Variants in GALNT13 observed in about 807,000 individuals in gnomAD.
GALNT13 encodes polypeptide N-acetylgalactosaminyltransferase 13, also known as UDP-GalNAc:polypeptide N-acetylgalactosaminyltransferase 13.
Under a neutral mutation model 64.2 loss-of-function variants are expected in GALNT13, and 28 were observed. The ratio of observed to expected loss-of-function variants is 0.44; its 90% CI spans 0.32 to 0.60. GALNT13 has a LOEUF of 0.60. Among genes scored for constraint, GALNT13 ranks in the 20% least tolerant of loss-of-function variants. GALNT13 has a pLI of 0.05. For missense variants in GALNT13, 577 were observed against 669.8 expected (o/e 0.86, Z 1.53); for synonymous variants, 214 against 224.6 (o/e 0.95, Z 0.42).
chr2:153,966,683 T>TA (rs1274159483), intron 3 of GALNT13, among the ~76,000 whole-genome samples: 4 of 151,992 alleles, frequency 2.6e-5, no homozygotes, highest in East Asian at 1.9e-4. Flanking sequence ...ATTTTTTTTT[T>TA]ATCCTTGACC....
the GALNT13 span, among the ~76,000 whole-genome samples, chr2:153,082,243 T>C: frequency 6.6e-6 from 1 of 152,044 alleles, no homozygotes; most frequent in Non-Finnish European, 1.5e-5. Context: ...TCTGAGATTT[T>C]TGTGCACCTT....
the GALNT13 span, among the ~76,000 whole-genome samples, chr2:153,199,084 A>C: frequency 6.6e-6 from 1 of 152,182 alleles, no homozygotes; most frequent in African/African-American, 2.4e-5. Context: ...TGTTGACCAG[A>C]AGCCCAAAAA....
At chr2:153,852,108 G>T in the GALNT13 span, among the ~76,000 whole-genome samples, 1 of 151,842 alleles carries the variant, frequency 6.6e-6, no homozygotes, top group Non-Finnish European at 1.5e-5. Context: ...ATTGAAAGTA[G>T]ACAGAAATAG....
chr2:153,545,665 C>T, the GALNT13 span, among the ~76,000 whole-genome samples: 2 of 152,060 alleles, frequency 1.3e-5, no homozygotes, highest in Non-Finnish European at 2.9e-5. Flanking sequence ...CCCCACTTGG[C>T]CACAGGGGTC....
chr2:153,562,057 T>TCC, the GALNT13 span, among the ~76,000 whole-genome samples: 1 of 102,080 alleles, frequency 9.8e-6, no homozygotes, highest in Non-Finnish European at 2.0e-5. Context: ...TCTCTCTCTC[T>TCC]CTCTGTGTGT....
At chr2:154,126,409 G>A (rs113697009) in intron 3 of GALNT13, among the ~76,000 whole-genome samples, 11,308 of 152,096 alleles carry the variant, frequency 0.074, 494 homozygotes, top group Middle Eastern at 0.14. Flanking sequence ...GCCGAGGCGG[G>A]CAGATCACGA....
chr2:154,061,384 T>G (rs1678211312), intron 3 of GALNT13, among the ~76,000 whole-genome samples: 1 of 152,150 alleles, frequency 6.6e-6, no homozygotes, highest in Admixed American at 6.5e-5. Flanking sequence ...TTGCCTGTAG[T>G]TAGGCCTCAA....
At chr2:154,446,685 C>A (rs1036248530) in intron 12 of GALNT13, 2 of 1,548,406 alleles carry the variant, frequency 1.3e-6, no homozygotes, top group Non-Finnish European at 1.7e-6. Flanking sequence ...AAAATGGCTA[C>A]TAAGAAACTA....
At chr2:153,855,102 C>CAAGAAATAG in the GALNT13 span, among the ~76,000 whole-genome samples, 3 of 151,904 alleles carry the variant, frequency 2.0e-5, no homozygotes, top group African/African-American at 7.3e-5. Flanking sequence ...TGTGGAACAG[C>CAAGAAATAG]AAGAAATAGA....
the GALNT13 span, among the ~76,000 whole-genome samples, chr2:153,286,279 A>G: frequency 2.6e-5 from 4 of 152,144 alleles, no homozygotes; most frequent in South Asian, 8.3e-4. Flanking sequence ...TTAAGTTTAT[A>G]CTTGTTTTTG....
chr2:153,533,605 A>G, the GALNT13 span, among the ~76,000 whole-genome samples: 1 of 151,484 alleles, frequency 6.6e-6, no homozygotes, highest in African/African-American at 2.4e-5. Flanking sequence ...TATTAATTTG[A>G]AAAAATTATC....
At chr2:154,303,762 C>CT (rs756444438) in intron 9 of GALNT13, among the ~76,000 whole-genome samples, 179 of 143,926 alleles carry the variant, frequency 1.2e-3, no homozygotes, top group South Asian at 1.8e-3. Context: ...GAAATTCAAA[C>CT]TTTTTTTTTT....
At chr2:153,609,950 G>A in the GALNT13 span, among the ~76,000 whole-genome samples, 2 of 152,092 alleles carry the variant, frequency 1.3e-5, no homozygotes, top group Non-Finnish European at 2.9e-5. Context: ...GACCTTGGCA[G>A]CCTTCTTGGT....
chr2:153,193,002 A>G, the GALNT13 span, among the ~76,000 whole-genome samples: 1 of 151,984 alleles, frequency 6.6e-6, no homozygotes, highest in Non-Finnish European at 1.5e-5. Flanking sequence ...GTTATTATTG[A>G]TATGTGAGGA....
chr2:154,329,629 A>G (rs2105188935), intron 9 of GALNT13, among the ~76,000 whole-genome samples: 1 of 152,024 alleles, frequency 6.6e-6, no homozygotes, highest in East Asian at 1.9e-4. Flanking sequence ...GTCCCCTCAA[A>G]CTTCATCTTG....
At chr2:153,125,945 A>G in the GALNT13 span, among the ~76,000 whole-genome samples, 1 of 152,142 alleles carries the variant, frequency 6.6e-6, no homozygotes, top group Non-Finnish European at 1.5e-5. Context: ...GGTGGAGAAA[A>G]AAGAAAAAAT....
the GALNT13 span, among the ~76,000 whole-genome samples, chr2:153,589,290 A>C: frequency 6.6e-6 from 1 of 152,310 alleles, no homozygotes; most frequent in Middle Eastern, 3.4e-3. Context: ...AGTTCCCAAC[A>C]AGTTCTTCCT....
chr2:154,192,240 C>T (rs1172378572), intron 4 of GALNT13, among the ~76,000 whole-genome samples: 1 of 152,186 alleles, frequency 6.6e-6, no homozygotes, highest in Non-Finnish European at 1.5e-5. Context: ...TCTCCATGTC[C>T]AGCCGCTTGT....
At chr2:154,332,912 A>G (rs1256295163) in intron 9 of GALNT13, among the ~76,000 whole-genome samples, 1 of 151,394 alleles carries the variant, frequency 6.6e-6, no homozygotes, top group Non-Finnish European at 1.5e-5. Flanking sequence ...AGAAACACAA[A>G]AAACCCATAG....
Sources: allele counts gnomAD v4.1 joint callset (sites outside exome capture counted in the v4.1 genomes callset), GRCh38; gene constraint gnomAD v4.1.1; transcripts MANE v1.5; gene names NCBI Gene and HGNC (gene_info 2026-07-23, HGNC 2026-07-21).